SUGCT: variants seen among roughly 807,000 people sequenced by gnomAD.
SUGCT encodes succinyl-CoA:glutarate-CoA transferase.
Under a neutral mutation model 55.0 loss-of-function variants are expected in SUGCT, and 41 were observed. That is an observed-to-expected ratio of 0.74 (90% CI 0.58 to 0.97). SUGCT has a LOEUF of 0.97. SUGCT is among the 50% of genes least tolerant of loss of function. The pLI is 0.00. For missense variants in SUGCT, 568 were observed against 547.8 expected, an observed-to-expected ratio of 1.04 and a Z score of -0.37; for synonymous variants, 187 against 200.4, an observed-to-expected ratio of 0.93 and a Z score of 0.56.
intron 9 of SUGCT, among the ~76,000 whole-genome samples, chr7:40,377,315 T>C (rs1244639368): frequency 6.7e-6 from 1 of 148,896 alleles, no homozygotes; most frequent in Non-Finnish European, 1.5e-5. Context: ...TGATCTCTGC[T>C]CACTGCAACC....
intron 1 of SUGCT, among the ~76,000 whole-genome samples, chr7:40,156,398 G>C (rs531361942): frequency 6.6e-6 from 1 of 152,242 alleles, no homozygotes; most frequent in South Asian, 2.1e-4. Context: ...GGGAGGTGGA[G>C]CTTGCAGTGA....
At chr7:40,807,823 G>A (rs1249617164) in intron 13 of SUGCT, among the ~76,000 whole-genome samples, 1 of 152,226 alleles carries the variant, frequency 6.6e-6, no homozygotes, top group East Asian at 1.9e-4. Context: ...AAGCCAGTCC[G>A]ATTCCCAAAG....
chr7:40,523,026 C>T (rs575950529), intron 12 of SUGCT, among the ~76,000 whole-genome samples: 1 of 152,078 alleles, frequency 6.6e-6, no homozygotes, highest in African/African-American at 2.4e-5. Flanking sequence ...AAGTGAATAT[C>T]CCTTTTGATT....
At chr7:40,470,074 C>T (rs1430670386) in intron 11 of SUGCT, among the ~76,000 whole-genome samples, 1 of 152,132 alleles carries the variant, frequency 6.6e-6, no homozygotes, top group African/African-American at 2.4e-5. Context: ...CAAGTCAATG[C>T]TAAAGGCCTT....
the SUGCT span, among the ~76,000 whole-genome samples, chr7:40,920,809 A>G: frequency 3.9e-5 from 6 of 152,350 alleles, no homozygotes; most frequent in South Asian, 1.2e-3. Context: ...CCAAGAGATA[A>G]ATAAAAATAA....
At chr7:40,193,269 C>G (rs1413879539) in intron 5 of SUGCT, among the ~76,000 whole-genome samples, 4 of 144,804 alleles carry the variant, frequency 2.8e-5, no homozygotes, top group African/African-American at 1.0e-4. Context: ...TTTGGCCTGG[C>G]CAATTACTGT....
chr7:40,679,808 C>T (rs1202460573), intron 12 of SUGCT, among the ~76,000 whole-genome samples: 1 of 152,156 alleles, frequency 6.6e-6, no homozygotes, highest in African/African-American at 2.4e-5. Context: ...TTCCAGATCT[C>T]ATTTGCTATC....
intron 7 of SUGCT, among the ~76,000 whole-genome samples, chr7:40,242,906 CAT>C (rs1159693206): frequency 0.085 from 2,745 of 32,144 alleles, 250 homozygotes; most frequent in Middle Eastern, 0.16. Flanking sequence ...TGCTATGTGG[CAT>C]ATATATATAT....
chr7:40,899,670 G>A, the SUGCT span, among the ~76,000 whole-genome samples: 2 of 150,368 alleles, frequency 1.3e-5, no homozygotes, highest in African/African-American at 4.9e-5. Flanking sequence ...TTTTTTTGCT[G>A]TTTTTACCAT....
At chr7:40,480,494 T>A (rs1024734369) in intron 11 of SUGCT, among the ~76,000 whole-genome samples, 1 of 152,196 alleles carries the variant, frequency 6.6e-6, no homozygotes, top group Non-Finnish European at 1.5e-5. Context: ...TTGCTTTGGC[T>A]ATAGTCTTTC....
intron 12 of SUGCT, among the ~76,000 whole-genome samples, chr7:40,739,028 CT>C (rs1365406641): frequency 1.3e-5 from 2 of 152,058 alleles, no homozygotes; most frequent in African/African-American, 2.4e-5. Flanking sequence ...TAAAAAAAAG[CT>C]TTTTGTTTTG....
At chr7:40,816,182 C>A (rs961330159) in intron 13 of SUGCT, among the ~76,000 whole-genome samples, 10 of 152,206 alleles carry the variant, frequency 6.6e-5, no homozygotes, top group African/African-American at 2.4e-4. Context: ...GTGGAGGCCC[C>A]TACCCCACTC....
chr7:40,373,749 T>C (rs1171180358), intron 9 of SUGCT, among the ~76,000 whole-genome samples: 1 of 152,130 alleles, frequency 6.6e-6, no homozygotes, highest in Non-Finnish European at 1.5e-5. Context: ...CCAAATTTAT[T>C]TTGGACTGTA....
At chr7:40,489,614 G>A (rs1409563025) in intron 11 of SUGCT, among the ~76,000 whole-genome samples, 1 of 152,120 alleles carries the variant, frequency 6.6e-6, no homozygotes, top group East Asian at 1.9e-4. Flanking sequence ...CCAGGAGGTC[G>A]AGGTTGCAGT....
At chr7:40,235,626 CA>C (rs1788970209) in intron 6 of SUGCT, among the ~76,000 whole-genome samples, 1 of 152,066 alleles carries the variant, frequency 6.6e-6, no homozygotes, top group Admixed American at 6.6e-5. Flanking sequence ...CGCATCCAGC[CA>C]AAAAATTATT....
intron 12 of SUGCT, among the ~76,000 whole-genome samples, chr7:40,625,273 C>T (rs145613413): frequency 3.8e-4 from 58 of 152,188 alleles, no homozygotes; most frequent in African/African-American, 1.3e-3. Context: ...CACGCAACCC[C>T]CTTCATCCCC....
chr7:40,356,233 A>G (rs1477978332), intron 9 of SUGCT, among the ~76,000 whole-genome samples: 1 of 152,264 alleles, frequency 6.6e-6, no homozygotes, highest in African/African-American at 2.4e-5. Context: ...ATTAGTTGTC[A>G]TCGAAATGAC....
At chr7:40,501,463 A>T (rs535630206) in intron 12 of SUGCT, among the ~76,000 whole-genome samples, 1 of 152,292 alleles carries the variant, frequency 6.6e-6, no homozygotes, top group South Asian at 2.1e-4. Flanking sequence ...TAAAATGTCG[A>T]ATAAGAATCA....
the SUGCT span, among the ~76,000 whole-genome samples, chr7:40,994,953 C>T: frequency 1.3e-5 from 2 of 152,304 alleles, no homozygotes; most frequent in Middle Eastern, 3.4e-3. Flanking sequence ...GATGCTGGCA[C>T]CATGCTTTCT....
Sources: allele counts gnomAD v4.1 joint callset (sites outside exome capture counted in the v4.1 genomes callset), GRCh38; gene constraint gnomAD v4.1.1; transcripts MANE v1.5; gene names NCBI Gene and HGNC (gene_info 2026-07-23, HGNC 2026-07-21).